SETBP1: variants seen among roughly 807,000 people sequenced by gnomAD.
SETBP1 encodes the protein SET binding protein 1, also known as SET-binding protein.
SETBP1 carries 9 observed loss-of-function variants against 101.0 expected under a neutral mutation model. That is an observed-to-expected ratio of 0.09 (90% CI 0.05 to 0.16). SETBP1 has a LOEUF of 0.16. Ranked by LOEUF, SETBP1 falls within the 10% of genes least tolerant of loss-of-function variation. SETBP1 has a pLI of 1.00. For missense variants in SETBP1, 1,858 were observed against 2,033.8 expected (o/e 0.91, Z 1.66); for synonymous variants, 818 against 788.5 (o/e 1.04, Z -0.63).
In SETBP1 at chr18:44,953,054, C is replaced by T. The variant is rs762207505; in HGVS notation, c.3714C>T (p.Asp1238=). ...VDTLSTLSLS[D]AQHWTQAKEK... ...CCCTGTCTACACTGTCACTTTCCGA[C>T]GCCCAGCATTGGACACAGGCCAAGG... The change falls in exon 4 of 6, where the codon GAC becomes GAT. Residue 1238 remains aspartate (D), a synonymous_variant. Transcript: ENST00000649279. 49 of 1,614,072 alleles carry T rather than the reference C, an allele frequency of 3.0e-5. No individual in the cohort carries two copies. Among genetic ancestry groups the T allele is most frequent in the Admixed American group, 8.3e-5 (5 of 60,010 alleles).
intron 3 of SETBP1, among the ~76,000 whole-genome samples, chr18:44,898,972 C>T (rs1261576265): frequency 6.6e-6 from 1 of 152,168 alleles, no homozygotes; most frequent in African/African-American, 2.4e-5. Context: ...TGAGGGATTG[C>T]CCAAATGGAA....
chr18:44,804,854 C>T (rs2071694660), intron 2 of SETBP1, among the ~76,000 whole-genome samples: 1 of 151,984 alleles, frequency 6.6e-6, no homozygotes, highest in South Asian at 2.1e-4. Context: ...TGGTTTTTTT[C>T]TCCGGATATG....
chr18:45,042,370 G>C (rs554618855), intron 5 of SETBP1, among the ~76,000 whole-genome samples: 1 of 152,002 alleles, frequency 6.6e-6, no homozygotes, highest in Non-Finnish European at 1.5e-5. Flanking sequence ...GGCTGGTCTC[G>C]AACTCCTGAC....
chr18:44,880,025 A>G (rs2069494482), intron 3 of SETBP1, among the ~76,000 whole-genome samples: 1 of 152,224 alleles, frequency 6.6e-6, no homozygotes, highest in Non-Finnish European at 1.5e-5. Flanking sequence ...CTGGAGGTCC[A>G]CTTTGGCTCC....
chr18:44,837,355 T>C (rs938602653), intron 2 of SETBP1, among the ~76,000 whole-genome samples: 3 of 152,356 alleles, frequency 2.0e-5, no homozygotes, highest in East Asian at 3.9e-4. Flanking sequence ...ATTATCAACA[T>C]TGTGATTTCA....
At chr18:45,051,471 A>T (rs974527175) in intron 5 of SETBP1, among the ~76,000 whole-genome samples, 2 of 152,204 alleles carry the variant, frequency 1.3e-5, no homozygotes, top group Non-Finnish European at 2.9e-5. Context: ...CAATGAAAAG[A>T]CCATTCATAG....
intron 2 of SETBP1, among the ~76,000 whole-genome samples, chr18:44,805,900 C>A (rs760700880): frequency 4.6e-5 from 7 of 152,272 alleles, no homozygotes; most frequent in Middle Eastern, 3.4e-3. Context: ...AGGGGGAGCA[C>A]TAGTTCATCC....
intron 3 of SETBP1, among the ~76,000 whole-genome samples, chr18:44,945,351 G>A (rs2071181265): frequency 6.6e-6 from 1 of 152,184 alleles, no homozygotes; most frequent in Non-Finnish European, 1.5e-5. Context: ...ACTTATAGGG[G>A]AGAGAATAGC....
chr18:44,789,633 G>A (rs1197409283), intron 2 of SETBP1, among the ~76,000 whole-genome samples: 1 of 152,068 alleles, frequency 6.6e-6, no homozygotes, highest in African/African-American at 2.4e-5. Flanking sequence ...TCTCGCTCCT[G>A]TTTTACTCTG....
At position 44,952,743 on chromosome 18, in the gene SETBP1, C is replaced by T. The variant is rs1287201120; in HGVS notation, c.3403C>T (p.Pro1135Ser). 5.6e-6 allele frequency: 9 copies of T among 1,614,076 alleles called. No homozygotes were observed. The highest frequency in any genetic ancestry group is 5.5e-5 in the South Asian group (5 of 91,078). ...LGDMQPSLNP[P>S]KVGSASLSSG... ...TGACATGCAGCCTTCTCTGAACCCT[C>T]CCAAGGTAGGCAGTGCCAGTCTGTC... The change falls in exon 4 of 6, where the codon CCC becomes TCC. Residue 1135 changes from proline (P) to serine (S), a missense_variant. Around this residue, in one of 12 missense-constraint regions of SETBP1, gnomAD observed 417 missense variants for 389.1 expected, o/e 1.07. Coordinates refer to ENST00000649279, the MANE Select transcript of SETBP1 (RefSeq NM_015559.3).
chr18:44,971,952 G>A lies in SETBP1; in HGVS notation c.4000+18612G>A, dbSNP rs1017799929. Among the ~76,000 whole-genome samples the A allele has an allele frequency of 3.0e-4, 46 of 152,080 alleles. 1 individual carries two copies. The highest frequency in any genetic ancestry group is 7.2e-4 in the African/African-American group (30 of 41,522). ...TGTTTTAGACATGAAGTCCTTGCCC[G>A]TGCCTATGTCCTGAATGGTATTGCC... On this transcript the variant is annotated intron_variant, in intron 4 of 5. Transcript: ENST00000649279.
chr18:44,839,611 G>A (rs1201568045), intron 2 of SETBP1, among the ~76,000 whole-genome samples: 1 of 152,184 alleles, frequency 6.6e-6, no homozygotes, highest in Non-Finnish European at 1.5e-5. Context: ...CCAAGGTTGA[G>A]GTAAATGTGC....
intron 3 of SETBP1, among the ~76,000 whole-genome samples, chr18:44,897,691 G>A (rs1428667067): frequency 2.0e-5 from 3 of 152,196 alleles, no homozygotes; most frequent in Admixed American, 6.5e-5. Flanking sequence ...GTGAGCAGCC[G>A]TGTAACTGGC....
At chr18:44,911,960 T>C (rs996741296) in intron 3 of SETBP1, among the ~76,000 whole-genome samples, 44 of 144,058 alleles carry the variant, frequency 3.1e-4, no homozygotes, top group Admixed American at 6.2e-4. Flanking sequence ...CACACACACA[T>C]AGGCACAAAC....
At chr18:44,750,812 A>T (rs1023425992) in intron 2 of SETBP1, among the ~76,000 whole-genome samples, 1 of 152,200 alleles carries the variant, frequency 6.6e-6, no homozygotes, top group Non-Finnish European at 1.5e-5. Context: ...AAGTTATGAA[A>T]GATTTTAAGA....
chr18:44,916,953 C>G (rs756669984), intron 3 of SETBP1, among the ~76,000 whole-genome samples: 1 of 152,204 alleles, frequency 6.6e-6, no homozygotes. Flanking sequence ...CCAAATAAGC[C>G]GCTTCCCTGG....
intron 1 of SETBP1, among the ~76,000 whole-genome samples, chr18:44,687,779 G>C (rs900857173): frequency 6.6e-6 from 1 of 151,930 alleles, no homozygotes; most frequent in Non-Finnish European, 1.5e-5. Context: ...TCATGTCATG[G>C]ATCTAGTGGG....
intron 2 of SETBP1, among the ~76,000 whole-genome samples, chr18:44,743,877 ATG>A (rs2070156748): frequency 1.3e-5 from 2 of 152,190 alleles, no homozygotes; most frequent in Admixed American, 1.3e-4. Context: ...GAGTGTAAAG[ATG>A]TCACTGAATG....
At chr18:44,719,762 C>T (rs942122624) in intron 2 of SETBP1, among the ~76,000 whole-genome samples, 1 of 152,176 alleles carries the variant, frequency 6.6e-6, no homozygotes, top group Non-Finnish European at 1.5e-5. Context: ...TGGCTGGGCC[C>T]TGATTGCAGG....
Sources: gnomAD v4.1 joint callset for allele counts (sites outside exome capture counted in the v4.1 genomes callset) on GRCh38, gnomAD v4.1.1 for gene constraint, gnomAD v4.1.1 regional missense constraint, MANE v1.5 for transcripts, NCBI Gene and HGNC (gene_info 2026-07-23, HGNC 2026-07-21) for gene names.